The following PBRM1 variants were observed in gnomAD, a reference collection of about 807,000 sequenced individuals.
The protein encoded by PBRM1 is polybromo 1.
In PBRM1, 27 loss-of-function variants were observed where a neutral mutation model predicts 194.5. That is an observed-to-expected ratio of 0.14 (90% CI 0.10 to 0.19). The LOEUF (loss-of-function observed/expected upper bound fraction) is 0.19, where lower values mean the gene tolerates loss of function less well. Among genes scored for constraint, PBRM1 ranks in the 10% least tolerant of loss-of-function variants. The pLI is 1.00. For missense variants in PBRM1, 1,466 were observed against 2,077.2 expected, an observed-to-expected ratio of 0.71 and a Z score of 5.72; for synonymous variants, 655 against 693.2, an observed-to-expected ratio of 0.94 and a Z score of 0.87.
chr3:52,596,067 C>T (rs551378063), intron 17 of PBRM1, among the ~76,000 whole-genome samples: 2 of 152,214 alleles, frequency 1.3e-5, no homozygotes, highest in Admixed American at 6.5e-5. Context: ...AAATTGAAGT[C>T]GGGTAACGTG....
chr3:52,611,611 C>T (rs2094611872), intron 15 of PBRM1, among the ~76,000 whole-genome samples: 1 of 152,064 alleles, frequency 6.6e-6, no homozygotes, highest in African/African-American at 2.4e-5. Flanking sequence ...CAAGACCAGC[C>T]TGGCAACATA....
intron 27 of PBRM1, among the ~76,000 whole-genome samples, chr3:52,552,770 G>T (rs1350615554): frequency 6.6e-6 from 1 of 152,172 alleles, no homozygotes; most frequent in Admixed American, 6.5e-5. Flanking sequence ...TGGTCTTATT[G>T]GCTCAGTGAT....
At chr3:52,586,737 T>G in intron 19 of PBRM1, 49 bp from the exon 22 acceptor site, 1 of 499,246 alleles carries the variant, frequency 2.0e-6, no homozygotes, top group Non-Finnish European at 2.8e-6. Flanking sequence ...GTGAATTTTC[T>G]GAAAATCAAT....
At chr3:52,668,597 C>A in exon 3 of PBRM1, 1 of 1,605,492 alleles carries the variant, frequency 6.2e-7, no homozygotes. Flanking sequence ...GTTGGATTTT[C>A]ATCAAGTCAA....
chr3:52,669,870 T>C (rs147324743), intron 2 of PBRM1, among the ~76,000 whole-genome samples: 23 of 152,306 alleles, frequency 1.5e-4, no homozygotes, highest in African/African-American at 5.3e-4. Context: ...TACAGTACAG[T>C]TGACCACTGA....
chr3:52,616,660 T>G (rs1386929881), intron 14 of PBRM1, among the ~76,000 whole-genome samples: 3 of 152,202 alleles, frequency 2.0e-5, no homozygotes, highest in African/African-American at 7.2e-5. Flanking sequence ...GCCACTGCAC[T>G]CCAGCCTGGG....
intron 17 of PBRM1, among the ~76,000 whole-genome samples, chr3:52,601,418 A>G (rs1252710332): frequency 1.3e-5 from 2 of 152,218 alleles, no homozygotes; most frequent in Admixed American, 6.5e-5. Context: ...TAAGAGTTTC[A>G]TAAGCAGTGC....
At chr3:52,634,610 T>C (rs1309928381) in exon 11 of PBRM1, 2 of 1,591,480 alleles carry the variant, frequency 1.3e-6, no homozygotes, top group African/African-American at 2.7e-5. Flanking sequence ...ACCGGATCTG[T>C]TGTAGTGATA....
intron 16 of PBRM1, among the ~76,000 whole-genome samples, chr3:52,604,242 A>G (rs1365300388): frequency 6.6e-6 from 1 of 152,240 alleles, no homozygotes; most frequent in Non-Finnish European, 1.5e-5. Context: ...AAGCAAAGCC[A>G]TGAAAGTATT....
At position 52,641,939 on chromosome 3, in the gene PBRM1, A is replaced by G; in HGVS notation, c.1087+15T>C. ...CACTAAGAAGGCATTTCGCTAGTCA[A>G]AACCTAATGCCTACCAGCTAAAGCA... On this transcript the variant is annotated intron_variant, in intron 10 of 29. Coordinates refer to ENST00000296302, the Ensembl canonical transcript of PBRM1. The G allele has an allele frequency of 6.6e-7, 1 of 1,513,366 alleles. No individual in the cohort carries two copies. Among genetic ancestry groups the G allele is most frequent in the Non-Finnish European group, 9.2e-7 (1 of 1,087,800 alleles). The allele number at this position is 1,513,366 out of a possible 1,614,324, so 93.7% of individuals were successfully genotyped here.
chr3:52,567,565 C>CAAAAAAAAAAAAAAAAAAAAAAAAA (rs10644120), intron 22 of PBRM1, among the ~76,000 whole-genome samples: 1 of 91,672 alleles, frequency 1.1e-5, no homozygotes, highest in African/African-American at 4.4e-5. Context: ...TAGGTAATCT[C>CAAAAAAAAAAAAAAAAAAAAAAAAA]AAAAAAAAAA....
chr3:52,580,408 G>A (rs951124818), intron 20 of PBRM1, among the ~76,000 whole-genome samples: 1 of 152,070 alleles, frequency 6.6e-6, no homozygotes, highest in African/African-American at 2.4e-5. Context: ...GCCCAGGCTG[G>A]AGTGCAGTGG....
chr3:52,602,376 T>C (rs756782165), intron 17 of PBRM1, among the ~76,000 whole-genome samples: 3 of 152,170 alleles, frequency 2.0e-5, no homozygotes, highest in Admixed American at 6.5e-5. Flanking sequence ...GGATGTACCA[T>C]GTGCTGACAG....
chr3:52,574,319 C>T lies in PBRM1; in HGVS notation c.3691+2222G>A, dbSNP rs185638058. On this transcript the variant is annotated intron_variant, in intron 22 of 29. Transcript: ENST00000296302. The stretch of plus-strand genomic sequence containing the variant: ...TTTTATAAAAGCAATATTGTATTCA[C>T]GAGGACAAGCCCTCATGACCTAAAC... Among the ~76,000 whole-genome samples, 5 of 152,312 alleles carry T rather than the reference C, an allele frequency of 3.3e-5. No individual in the cohort carries two copies. In the South Asian group the frequency reaches 6.2e-4, roughly 19 times the overall value.
At chr3:52,672,144 C>G (rs942862943) in intron 2 of PBRM1, among the ~76,000 whole-genome samples, 1 of 152,156 alleles carries the variant, frequency 6.6e-6, no homozygotes, top group African/African-American at 2.4e-5. Flanking sequence ...GGTTTCCTTG[C>G]CTTTTTCAGC....
intron 20 of PBRM1, 198 bp downstream of exon 22, chr3:52,586,227 C>T (rs2092370815): frequency 2.0e-6 from 1 of 505,846 alleles, no homozygotes; most frequent in Non-Finnish European, 3.5e-6. Flanking sequence ...AACCAATGCA[C>T]TTGGCCTGAT....
At chr3:52,624,119 T>C (rs1269188555) in intron 13 of PBRM1, among the ~76,000 whole-genome samples, 1 of 152,228 alleles carries the variant, frequency 6.6e-6, no homozygotes, top group Non-Finnish European at 1.5e-5. Context: ...AATCATGCAA[T>C]GATCCTATAC....
chr3:52,583,524 A>G (rs2091809025), intron 20 of PBRM1, among the ~76,000 whole-genome samples: 1 of 152,118 alleles, frequency 6.6e-6, no homozygotes, highest in African/African-American at 2.4e-5. Flanking sequence ...GGTATTATAC[A>G]AACTATTAGG....
chr3:52,622,248 G>A lies in PBRM1; in HGVS notation c.1542-4710C>T, dbSNP rs557092040. Among the ~76,000 whole-genome samples, 13 of 151,764 alleles carry A rather than the reference G, an allele frequency of 8.6e-5. No individual in the cohort carries two copies. In the East Asian group the frequency reaches 2.5e-3, roughly 29 times the overall value. On this transcript the variant is annotated intron_variant, in intron 13 of 29. Coordinates refer to ENST00000296302, the Ensembl canonical transcript of PBRM1. ...AGCTACTTAGGAGGCTGAGGTAGGG[G>A]AATCACTTGAACCCAGGAGGCGGAG...
Sources: gnomAD v4.1 joint callset for allele counts (sites outside exome capture counted in the v4.1 genomes callset) on GRCh38, gnomAD v4.1.1 for gene constraint, MANE v1.5 for transcripts, NCBI Gene and HGNC (gene_info 2026-07-23, HGNC 2026-07-21) for gene names.